The following SLC15A2 variants were observed in gnomAD, a reference collection of about 807,000 sequenced individuals.
SLC15A2 encodes the protein kidney H(+)/peptide cotransporter.
Under a neutral mutation model 95.5 loss-of-function variants are expected in SLC15A2, and 77 were observed. That is an observed-to-expected ratio of 0.81 (90% confidence interval 0.67 to 0.97). The LOEUF is 0.97. SLC15A2 is among the 50% of genes least tolerant of loss of function. The probability of loss-of-function intolerance (pLI) is 0.00; values close to 1 mark genes in which losing one functional copy is unlikely to be tolerated. For missense variants in SLC15A2, 893 were observed against 874.4 expected (o/e 1.02, Z -0.27); for synonymous variants, 306 against 306.9 (o/e 1.00, Z 0.03).
intron 7 of SLC15A2, 49 bp from the exon 8 acceptor site, chr3:121,922,171 C>A (rs374036348): frequency 6.6e-7 from 1 of 1,510,040 alleles, no homozygotes; most frequent in Non-Finnish European, 9.2e-7. Flanking sequence ...ACCTTTGCAC[C>A]AACCTAATAA....
intron 7 of SLC15A2, among the ~76,000 whole-genome samples, chr3:121,918,426 A>G (rs966442089): frequency 1.1e-4 from 17 of 152,236 alleles, no homozygotes; most frequent in African/African-American, 4.1e-4. Flanking sequence ...TGGAGTTACC[A>G]AACAGTTATT....
chr3:121,919,942 G>A (rs989386355), intron 7 of SLC15A2, among the ~76,000 whole-genome samples: 14 of 152,204 alleles, frequency 9.2e-5, no homozygotes, highest in African/African-American at 3.4e-4. Flanking sequence ...TACCTGGAGG[G>A]AGGACAGGAT....
rs764776826 is a variant in SLC15A2, at chr3:121,897,323, A to G, written c.194-65A>G. 1.0e-5 allele frequency: 16 copies of G among 1,571,774 alleles called. No individual in the cohort carries two copies. In the Admixed American group the frequency reaches 1.1e-4, roughly 11 times the overall value. ...GACCAGAGATTAAATATTTTTTTCC[A>G]TAAGTCACTTTAATGCATCTATCTT... On this transcript the variant is annotated intron_variant, in intron 2 of 21. Transcript: ENST00000489711.
chr3:121,907,375 G>A (rs139452291), intron 3 of SLC15A2, among the ~76,000 whole-genome samples: 38 of 152,250 alleles, frequency 2.5e-4, no homozygotes, highest in African/African-American at 5.1e-4. Flanking sequence ...GTCATTCTCC[G>A]TCCAGCTTTG....
chr3:121,918,667 G>A (rs1376460875), intron 7 of SLC15A2, among the ~76,000 whole-genome samples: 4 of 152,022 alleles, frequency 2.6e-5, no homozygotes, highest in Non-Finnish European at 5.9e-5. Flanking sequence ...AAGAAGGAAT[G>A]GCCAAAGTGG....
intron 6 of SLC15A2, 26 bp downstream of exon 6, chr3:121,915,343 T>A: frequency 6.7e-7 from 1 of 1,494,324 alleles, no homozygotes; most frequent in Non-Finnish European, 9.3e-7. Flanking sequence ...AGGGGCCCTG[T>A]ATAAGGCTTT....
At chr3:121,937,583 A>C (rs1241170449) in intron 19 of SLC15A2, among the ~76,000 whole-genome samples, 1 of 150,802 alleles carries the variant, frequency 6.6e-6, no homozygotes, top group African/African-American at 2.4e-5. Flanking sequence ...TGCATTCTTC[A>C]CGTAGTTCTC....
intron 13 of SLC15A2, among the ~76,000 whole-genome samples, chr3:121,925,511 AG>A (rs1226114815): frequency 6.6e-6 from 1 of 151,584 alleles, no homozygotes; most frequent in Non-Finnish European, 1.5e-5. Context: ...TCTTTTTTAG[AG>A]TTTGGCAAAA....
At chr3:121,928,663 T>C in intron 15 of SLC15A2, 108 bp downstream of exon 15, 1 of 1,258,462 alleles carries the variant, frequency 7.9e-7, no homozygotes, top group South Asian at 1.5e-5. Context: ...TTAGATAATC[T>C]TTGAGCACAT....
chr3:121,922,427 T>C, intron 8 of SLC15A2, 125 bp downstream of exon 8: 1 of 700,374 alleles, frequency 1.4e-6, no homozygotes, highest in Non-Finnish European at 2.4e-6. Flanking sequence ...TTCATGTTTT[T>C]TAACAAGCTA....
chr3:121,939,148 C>T, intron 19 of SLC15A2: 1 of 392,388 alleles, frequency 2.5e-6, no homozygotes, highest in Non-Finnish European at 4.5e-6. Context: ...ATAATGATAT[C>T]TGATTGAATC....
At chr3:121,896,588 G>A (rs941550852) in intron 2 of SLC15A2, 95 bp downstream of exon 2, 20 of 963,314 alleles carry the variant, frequency 2.1e-5, no homozygotes, top group East Asian at 4.8e-5. Flanking sequence ...CTTATTTCCC[G>A]AGTCCACTCT....
chr3:121,924,896 C>A, intron 12 of SLC15A2, 49 bp from the exon 13 acceptor site: 2 of 1,333,764 alleles, frequency 1.5e-6, no homozygotes, highest in South Asian at 1.2e-5. Context: ...TGCTCACACT[C>A]ATGATAGGAG....
rs138490948 is a variant in SLC15A2, at chr3:121,927,815, G to A, written c.1182G>A (p.Ala394=). Residue 394 remains alanine, a synonymous_variant, in exon 14 of 22, where the codon GCG becomes GCA. Coordinates refer to ENST00000489711, the MANE Select transcript of SLC15A2 (RefSeq NM_021082.4). ...TAGCATGCCTGGCATTTGCAGTTGC[G>A]GCAGCTGTAGAGATAAAAATAAATG... ...MILACLAFAV[A]AAVEIKINEM... is the part of the protein sequence containing the mutation. The A allele has an allele frequency of 2.9e-5, 47 of 1,613,614 alleles. No homozygotes were observed. The highest frequency in any genetic ancestry group is 2.2e-4 in the East Asian group (10 of 44,886).
rs1173239636 is a variant in SLC15A2, at chr3:121,914,866, A to AAAC, written c.529-359_529-358insCAA. 1.8e-4 allele frequency: 72 copies of AAAC among 408,096 alleles called. 1 individual carries two copies. In the East Asian group the frequency reaches 6.9e-3, roughly 39 times the overall value. The allele number at this position is 408,096 out of a possible 1,614,324, so 25.3% of individuals were successfully genotyped here. On this transcript the variant is annotated intron_variant, in intron 5 of 21. Coordinates refer to ENST00000489711, the MANE Select transcript of SLC15A2 (RefSeq NM_021082.4). ...GAGTGAGACTCCATCTCAAAAAAAA[A>AAAC]AAAAAAAAACCACAAACACACACAT... is the stretch of plus-strand genomic sequence containing the variant.
intron 13 of SLC15A2, chr3:121,927,526 G>T (rs781452730): frequency 1.6e-5 from 7 of 446,524 alleles, no homozygotes; most frequent in East Asian, 1.5e-4. Context: ...ATGATTGAAA[G>T]CTCCTCGATG....
chr3:121,924,915 T>C (rs746386620), intron 12 of SLC15A2, 30 bp from the exon 13 acceptor site: 2 of 1,474,324 alleles, frequency 1.4e-6, no homozygotes, highest in Non-Finnish European at 1.9e-6. Context: ...AGAATATTTG[T>C]AGCTAATCCT....
chr3:121,894,857 G>A (rs1576664676), intron 1 of SLC15A2, among the ~76,000 whole-genome samples: 1 of 152,272 alleles, frequency 6.6e-6, no homozygotes, highest in South Asian at 2.1e-4. Flanking sequence ...AAAGCAATTC[G>A]AATGTCCAGG....
At chr3:121,938,131 T>G (rs1710386132) in intron 19 of SLC15A2, among the ~76,000 whole-genome samples, 1 of 151,644 alleles carries the variant, frequency 6.6e-6, no homozygotes, top group Non-Finnish European at 1.5e-5. Flanking sequence ...TTCTCAGATC[T>G]CCAGCTGCAT....
Sources: allele counts gnomAD v4.1 joint callset (sites outside exome capture counted in the v4.1 genomes callset), GRCh38; gene constraint gnomAD v4.1.1; transcripts MANE v1.5; gene names NCBI Gene and HGNC (gene_info 2026-07-23, HGNC 2026-07-21).